The following LDLRAD4 variants were observed in gnomAD, a reference collection of about 807,000 sequenced individuals.
The protein encoded by LDLRAD4 is low density lipoprotein receptor class A domain containing 4.
Under a neutral mutation model 17.0 loss-of-function variants are expected in LDLRAD4, and 5 were observed. That is an observed-to-expected ratio of 0.29 (90% confidence interval 0.15 to 0.62). The LOEUF is 0.62. LDLRAD4 is among the 20% of genes least tolerant of loss of function. LDLRAD4 has a pLI of 0.84. For missense variants in LDLRAD4, 340 were observed against 424.7 expected, an observed-to-expected ratio of 0.80 and a Z score of 1.75; for synonymous variants, 168 against 171.8, an observed-to-expected ratio of 0.98 and a Z score of 0.17.
chr18:13,294,466 A>T (rs1023337373), intron 1 of LDLRAD4, among the ~76,000 whole-genome samples: 2 of 152,272 alleles, frequency 1.3e-5, no homozygotes, highest in Non-Finnish European at 2.9e-5. Flanking sequence ...AGCTGTTATT[A>T]TAGAAGAGTG....
At chr18:13,522,444 A>G (rs2093967294) in intron 3 of LDLRAD4, 1 of 150,914 alleles carries the variant, frequency 6.6e-6, no homozygotes, top group African/African-American at 2.4e-5. Context: ...TTTCCCCTGC[A>G]GGTCCTTGGA....
intron 1 of LDLRAD4, among the ~76,000 whole-genome samples, chr18:13,267,416 G>A (rs548996037): frequency 2.2e-4 from 34 of 152,322 alleles, no homozygotes; most frequent in African/African-American, 7.9e-4. Context: ...AGCATCACCC[G>A]TTCCACCTGT....
At chr18:13,411,678 T>A (rs1270069456) in intron 2 of LDLRAD4, among the ~76,000 whole-genome samples, 1 of 152,186 alleles carries the variant, frequency 6.6e-6, no homozygotes, top group African/African-American at 2.4e-5. Context: ...CAGCCATGAT[T>A]GTGAGGCCTC....
intron 3 of LDLRAD4, among the ~76,000 whole-genome samples, chr18:13,446,120 G>T (rs1600336767): frequency 1.3e-5 from 2 of 152,290 alleles, no homozygotes; most frequent in South Asian, 4.1e-4. Flanking sequence ...GAAGGGAGCT[G>T]CTGTTTGCCG....
chr18:13,245,181 A>G (rs1277100606), intron 1 of LDLRAD4, among the ~76,000 whole-genome samples: 1 of 152,176 alleles, frequency 6.6e-6, no homozygotes, highest in Non-Finnish European at 1.5e-5. Context: ...GGCAGGAGTC[A>G]TCCTGAGTCT....
At chr18:13,411,843 G>C (rs1438981946) in intron 2 of LDLRAD4, among the ~76,000 whole-genome samples, 2 of 152,050 alleles carry the variant, frequency 1.3e-5, no homozygotes, top group African/African-American at 4.8e-5. Context: ...CTGCACCCAA[G>C]TTCTTTTTTG....
At chr18:13,508,100 A>T (rs964110638) in intron 3 of LDLRAD4, among the ~76,000 whole-genome samples, 6 of 152,234 alleles carry the variant, frequency 3.9e-5, no homozygotes, top group African/African-American at 1.4e-4. Context: ...AGTGGTCTGG[A>T]TAGAAGGTCA....
At chr18:13,331,592 T>C (rs2081869354) in intron 1 of LDLRAD4, among the ~76,000 whole-genome samples, 1 of 152,228 alleles carries the variant, frequency 6.6e-6, no homozygotes, top group Non-Finnish European at 1.5e-5. Flanking sequence ...TTATTAAACA[T>C]GATCAGTGTA....
chr18:13,626,866 G>A (rs1481917002), intron 4 of LDLRAD4, among the ~76,000 whole-genome samples: 1 of 152,222 alleles, frequency 6.6e-6, no homozygotes, highest in Non-Finnish European at 1.5e-5. Context: ...CCTGACATGG[G>A]GTGAGCTCTC....
intron 1 of LDLRAD4, among the ~76,000 whole-genome samples, chr18:13,299,672 C>T (rs897918146): frequency 2.6e-4 from 39 of 151,986 alleles, no homozygotes; most frequent in African/African-American, 8.5e-4. Context: ...AGCAAGACCC[C>T]ATCTATAAAA....
chr18:13,643,446 G>GT (rs2042785765), intron 5 of LDLRAD4, 34 bp downstream of exon 6: 1 of 670,872 alleles, frequency 1.5e-6, no homozygotes, highest in African/African-American at 1.9e-5. Flanking sequence ...GCTGCGGGGG[G>GT]CGGGGGGGGT....
At chr18:13,493,804 G>T (rs369700685) in intron 3 of LDLRAD4, among the ~76,000 whole-genome samples, 1 of 152,264 alleles carries the variant, frequency 6.6e-6, no homozygotes, top group South Asian at 2.1e-4. Context: ...AGAGGGAGGC[G>T]GTCAAAGCCC....
rs115704799 is a variant in LDLRAD4, at chr18:13,292,373, A to T, written c.-383+14185A>T. The stretch of plus-strand genomic sequence containing the variant: ...CTGTCACTTTCTCCCACTAATTCAG[A>T]TGGTTATGTGGCTTGAGATGATGGC... On this transcript the variant is annotated intron_variant, in intron 1 of 5. Transcript: ENST00000359446. Among the ~76,000 whole-genome samples the T allele has an allele frequency of 3.8e-3, 586 of 152,234 alleles. 3 individuals are homozygous for T. Among genetic ancestry groups the T allele is most frequent in the African/African-American group, 0.013 (548 of 41,538 alleles).
intron 3 of LDLRAD4, among the ~76,000 whole-genome samples, chr18:13,556,544 A>T (rs928365829): frequency 6.6e-5 from 10 of 152,236 alleles, no homozygotes; most frequent in Admixed American, 2.0e-4. Context: ...CCCAGATCAA[A>T]TAACCACATA....
At chr18:13,322,846 A>AAC (rs2081330397) in intron 1 of LDLRAD4, among the ~76,000 whole-genome samples, 1 of 147,580 alleles carries the variant, frequency 6.8e-6, no homozygotes, top group Non-Finnish European at 1.5e-5. Context: ...GCTGGTCTCT[A>AAC]ACTCCTGTCC....
rs546012466 is a variant in LDLRAD4, at chr18:13,466,801, C to T, written c.181+28417C>T. On this transcript the variant is annotated intron_variant, in intron 3 of 5. Coordinates refer to ENST00000359446, the Ensembl canonical transcript of LDLRAD4. ...TCTGTGTCTGGTGGGGGCCTGTTTC[C>T]TGGTTCATAGATGGAACATTCTTGT... Among the ~76,000 whole-genome samples the T allele has an allele frequency of 7.9e-5, 12 of 152,256 alleles. No individual in the cohort carries two copies. In the South Asian group the frequency reaches 2.5e-3, roughly 32 times the overall value.
intron 3 of LDLRAD4, among the ~76,000 whole-genome samples, chr18:13,519,525 C>T (rs1387853107): frequency 6.6e-6 from 1 of 152,174 alleles, no homozygotes; most frequent in Non-Finnish European, 1.5e-5. Flanking sequence ...TTTTGGAAGG[C>T]CGAGGCGGGC....
At chr18:13,351,994 C>T (rs2083064280) in intron 1 of LDLRAD4, among the ~76,000 whole-genome samples, 1 of 152,156 alleles carries the variant, frequency 6.6e-6, no homozygotes, top group South Asian at 2.1e-4. Flanking sequence ...ATCACATAAA[C>T]AGAACCAATG....
chr18:13,527,548 C>T (rs977733375), intron 3 of LDLRAD4, among the ~76,000 whole-genome samples: 1 of 152,224 alleles, frequency 6.6e-6, no homozygotes, highest in Non-Finnish European at 1.5e-5. Context: ...GAGCCTCTCC[C>T]CAGCCTGCAG....
Sources: allele counts gnomAD v4.1 joint callset (sites outside exome capture counted in the v4.1 genomes callset), GRCh38; gene constraint gnomAD v4.1.1; transcripts MANE v1.5; gene names NCBI Gene and HGNC (gene_info 2026-07-23, HGNC 2026-07-21).